Variants in KCNH8 observed in about 807,000 individuals in gnomAD.
KCNH8 encodes the protein potassium voltage-gated channel subfamily H member 8, also known as voltage-gated delayed rectifier potassium channel KCNH8.
A neutral mutation model predicts 103.6 loss-of-function variants in KCNH8; 70 were observed. That is an observed-to-expected ratio of 0.68 (90% CI 0.56 to 0.82). The LOEUF (loss-of-function observed/expected upper bound fraction) is 0.82. Ranked by LOEUF, KCNH8 falls within the 40% of genes least tolerant of loss-of-function variation. KCNH8 has a pLI of 0.00. For missense variants in KCNH8, 1,217 were observed against 1,329.9 expected, an observed-to-expected ratio of 0.92 and a Z score of 1.32; for synonymous variants, 498 against 489.4, an observed-to-expected ratio of 1.02 and a Z score of -0.23.
At chr3:19,180,970 T>C (rs1382738087) in intron 1 of KCNH8, among the ~76,000 whole-genome samples, 1 of 152,104 alleles carries the variant, frequency 6.6e-6, no homozygotes, top group African/African-American at 2.4e-5. Context: ...GACAGAAATA[T>C]AACATGGTAA....
At chr3:19,219,897 G>A (rs1175894596) in intron 1 of KCNH8, among the ~76,000 whole-genome samples, 1 of 152,096 alleles carries the variant, frequency 6.6e-6, no homozygotes, top group Non-Finnish European at 1.5e-5. Flanking sequence ...TTTCCTACTA[G>A]CATCAAAAGC....
intron 3 of KCNH8, among the ~76,000 whole-genome samples, chr3:19,297,895 C>A (rs1339470519): frequency 1.3e-5 from 2 of 152,138 alleles, no homozygotes; most frequent in Non-Finnish European, 2.9e-5. Context: ...GCTGGCTAGC[C>A]ATTTTATTCC....
At chr3:19,533,360 T>TA (rs1365647512) in intron 15 of KCNH8, 35 bp from the exon 16 acceptor site, 1 of 1,395,948 alleles carries the variant, frequency 7.2e-7, no homozygotes, top group East Asian at 2.3e-5. Flanking sequence ...TATGCACCTC[T>TA]AACTATTGTC....
chr3:19,511,434 C>T (rs530197840), intron 12 of KCNH8, among the ~76,000 whole-genome samples: 1 of 152,236 alleles, frequency 6.6e-6, no homozygotes, highest in African/African-American at 2.4e-5. Flanking sequence ...CTTCTTGAAA[C>T]AAAGGAATGA....
At position 19,513,086 on chromosome 3, in the gene KCNH8, AAGGGG is replaced by A; in HGVS notation, c.2198_2202del (p.Arg733IlefsTer12). On this transcript the variant is annotated frameshift_variant, in exon 13 of 16. Coordinates refer to ENST00000328405, the MANE Select transcript of KCNH8 (RefSeq NM_144633.3). LOFTEE classifies it high-confidence loss of function. ...CAGTCTCCCTCTCTCCCATCTGCAC[AAGGGG>A]ATCTTCTTCGCGCAACAAGAAGGTT... 2 of 1,613,870 alleles carry A rather than the reference AAGGGG, an allele frequency of 1.2e-6. No homozygotes were observed. The highest frequency in any genetic ancestry group is 1.7e-6 in the Non-Finnish European group (2 of 1,179,928).
intron 5 of KCNH8, among the ~76,000 whole-genome samples, chr3:19,373,708 C>G (rs1418838644): frequency 2.0e-5 from 3 of 151,450 alleles, no homozygotes; most frequent in African/African-American, 7.3e-5. Context: ...GTTAGGGTGT[C>G]AATTTTGGAT....
chr3:19,277,974 C>T (rs929521843), intron 2 of KCNH8, among the ~76,000 whole-genome samples: 5 of 152,126 alleles, frequency 3.3e-5, no homozygotes, highest in African/African-American at 1.2e-4. Context: ...GGCTGTGGGA[C>T]TTGCAGCCTC....
intron 3 of KCNH8, among the ~76,000 whole-genome samples, chr3:19,322,387 G>T (rs2065361579): frequency 6.6e-6 from 1 of 152,058 alleles, no homozygotes; most frequent in Non-Finnish European, 1.5e-5. Context: ...GCTTTGCAGT[G>T]GTGAATTCTT....
intron 2 of KCNH8, among the ~76,000 whole-genome samples, chr3:19,262,068 A>G (rs1346331996): frequency 6.6e-6 from 1 of 150,500 alleles, no homozygotes; most frequent in African/African-American, 2.4e-5. Context: ...TTTTTTCTTT[A>G]GTCAGAATCA....
chr3:19,459,819 G>T (rs1046254240), intron 11 of KCNH8, among the ~76,000 whole-genome samples: 1 of 151,866 alleles, frequency 6.6e-6, no homozygotes, highest in Non-Finnish European at 1.5e-5. Context: ...ATGTGGAAAA[G>T]GAATTTTTAT....
chr3:19,260,431 T>C (rs1382390147), intron 2 of KCNH8, among the ~76,000 whole-genome samples: 2 of 143,732 alleles, frequency 1.4e-5, no homozygotes, highest in Non-Finnish European at 3.0e-5. Flanking sequence ...GTAAGAAACA[T>C]TACTTACTTA....
intron 3 of KCNH8, among the ~76,000 whole-genome samples, chr3:19,322,836 GT>G (rs1473339532): frequency 6.6e-5 from 10 of 152,206 alleles, no homozygotes; most frequent in African/African-American, 2.2e-4. Context: ...TTATTCTTAG[GT>G]TTGGTCTTTT....
intron 1 of KCNH8, among the ~76,000 whole-genome samples, chr3:19,206,143 G>A (rs2063711833): frequency 1.5e-5 from 2 of 130,902 alleles, no homozygotes; most frequent in African/African-American, 8.3e-5. Context: ...GTCATTAATG[G>A]TATATATATA....
intron 1 of KCNH8, among the ~76,000 whole-genome samples, chr3:19,164,371 A>G (rs2063262456): frequency 6.6e-6 from 1 of 152,214 alleles, no homozygotes; most frequent in Admixed American, 6.5e-5. Flanking sequence ...AGGGAAGATA[A>G]TTAACATTTA....
At chr3:19,465,371 G>A (rs2067714016) in intron 11 of KCNH8, among the ~76,000 whole-genome samples, 1 of 152,120 alleles carries the variant, frequency 6.6e-6, no homozygotes, top group African/African-American at 2.4e-5. Flanking sequence ...ATGGTTTACT[G>A]AATATTTTAA....
At chr3:19,190,064 C>G (rs949093339) in intron 1 of KCNH8, among the ~76,000 whole-genome samples, 11 of 151,824 alleles carry the variant, frequency 7.2e-5, no homozygotes, top group Non-Finnish European at 1.5e-4. Context: ...GACAAAATAC[C>G]TTTGCTTGCT....
chr3:19,329,585 G>A (rs898626690), intron 3 of KCNH8, among the ~76,000 whole-genome samples: 18 of 151,988 alleles, frequency 1.2e-4, no homozygotes, highest in African/African-American at 2.4e-4. Flanking sequence ...AGAAGGGAAC[G>A]TCTTTCTTTA....
intron 1 of KCNH8, among the ~76,000 whole-genome samples, chr3:19,171,930 G>T (rs2063352885): frequency 6.6e-6 from 1 of 152,138 alleles, no homozygotes; most frequent in Admixed American, 6.5e-5. Flanking sequence ...AGAACTTGAC[G>T]GTGTTTGCAC....
At chr3:19,473,965 T>C (rs1028397980) in intron 11 of KCNH8, among the ~76,000 whole-genome samples, 19 of 152,198 alleles carry the variant, frequency 1.2e-4, no homozygotes, top group Non-Finnish European at 2.1e-4. Flanking sequence ...TTGTCCAGGA[T>C]TTTAAGAATA....
Sources: allele counts gnomAD v4.1 joint callset (sites outside exome capture counted in the v4.1 genomes callset), GRCh38; gene constraint gnomAD v4.1.1; transcripts MANE v1.5; gene names NCBI Gene and HGNC (gene_info 2026-07-23, HGNC 2026-07-21).